WASF1: variants seen among roughly 807,000 people sequenced by gnomAD.
WASF1 encodes WASP family member 1, also known as actin-binding protein WASF1.
A neutral mutation model predicts 50.5 loss-of-function variants in WASF1; 7 were observed. The observed-to-expected ratio is 0.14, with a 90% CI of 0.08 to 0.26. The LOEUF is 0.26. Ranked by LOEUF, WASF1 falls within the 10% of genes least tolerant of loss-of-function variation. The pLI is 1.00. For synonymous variants in WASF1, 205 were observed against 244.0 expected, an observed-to-expected ratio of 0.84 and a Z score of 1.49; for missense variants, 470 against 694.7, an observed-to-expected ratio of 0.68 and a Z score of 3.64.
At chr6:110,137,771 T>TA (rs1404745496) in intron 3 of WASF1, among the ~76,000 whole-genome samples, 4 of 152,132 alleles carry the variant, frequency 2.6e-5, no homozygotes, top group South Asian at 2.1e-4. Flanking sequence ...GAAAGGAAAT[T>TA]AAAAAACATC....
intron 8 of WASF1, among the ~76,000 whole-genome samples, chr6:110,104,986 A>C (rs1386268787): frequency 6.6e-6 from 1 of 152,188 alleles, no homozygotes; most frequent in Non-Finnish European, 1.5e-5. Flanking sequence ...GTGGCAAAGA[A>C]AGGAAGTCAG....
chr6:110,145,819 T>C (rs1775531913), intron 3 of WASF1, among the ~76,000 whole-genome samples: 1 of 152,146 alleles, frequency 6.6e-6, no homozygotes, highest in Non-Finnish European at 1.5e-5. Context: ...GATGAGTTCA[T>C]GTCCTTTGCA....
chr6:110,166,954 T>A (rs1271067394), intron 2 of WASF1, among the ~76,000 whole-genome samples: 1 of 151,926 alleles, frequency 6.6e-6, no homozygotes. Context: ...GGCTATGCTA[T>A]CTTAATATAA....
intron 7 of WASF1, 39 bp from the exon 8 acceptor site, chr6:110,105,618 C>T (rs377218509): frequency 8.9e-5 from 141 of 1,588,008 alleles, no homozygotes; most frequent in East Asian, 6.7e-5. Context: ...AATGCTTAAG[C>T]GCTAATTTTT....
At chr6:110,105,620 C>A (rs1368527868) in intron 7 of WASF1, 41 bp from the exon 8 acceptor site, 1 of 1,583,578 alleles carries the variant, frequency 6.3e-7, no homozygotes, top group Non-Finnish European at 8.6e-7. Flanking sequence ...TGCTTAAGCG[C>A]TAATTTTTAA....
In WASF1 at chr6:110,100,062, C is replaced by G. The variant is rs1476179710; in HGVS notation, c.*460G>C. The G allele has an allele frequency of 6.5e-6, 1 of 152,866 alleles. No individual in the cohort carries two copies. Among genetic ancestry groups the G allele is most frequent in the South Asian group, 2.1e-4 (1 of 4,846 alleles). The allele number at this position is 152,866 out of a possible 1,614,324, so 9.5% of individuals were successfully genotyped here. ...AGCATTCCTTTAAGAGAATTCAACA[C>G]TACAAGCTAAATGTACTTTCTGAGT... is the stretch of plus-strand genomic sequence containing the variant. On this transcript the variant is annotated 3_prime_UTR_variant, in exon 11 of 11. Coordinates refer to ENST00000392589, the MANE Select transcript of WASF1 (RefSeq NM_003931.3).
chr6:110,171,470 C>T lies in WASF1; in HGVS notation c.-127+7128G>A, dbSNP rs573643519. On this transcript the variant is annotated intron_variant, in intron 2 of 10. Coordinates refer to ENST00000392589, the MANE Select transcript of WASF1 (RefSeq NM_003931.3). ...TTATGGCACCAAGTATATATACAGA[C>T]GGTCCGCAGTTTATAACGGGGTTGT... 5.9e-5 allele frequency among the ~76,000 whole-genome samples: 9 copies of T among 152,144 alleles called. No individual in the cohort carries two copies. In the East Asian group the frequency reaches 9.7e-4, roughly 16 times the overall value.
chr6:110,171,488 G>A (rs200458617), intron 2 of WASF1, among the ~76,000 whole-genome samples: 2 of 151,932 alleles, frequency 1.3e-5, no homozygotes, highest in African/African-American at 4.8e-5. Flanking sequence ...AGTTTATAAC[G>A]GGGTTGTATC....
chr6:110,151,332 A>G (rs1775813860), intron 3 of WASF1, among the ~76,000 whole-genome samples: 1 of 152,206 alleles, frequency 6.6e-6, no homozygotes, highest in Non-Finnish European at 1.5e-5. Context: ...TTCATTCTAA[A>G]GTTTCATCTA....
chr6:110,159,385 G>A (rs1562186823), intron 3 of WASF1, among the ~76,000 whole-genome samples: 1 of 151,916 alleles, frequency 6.6e-6, no homozygotes, highest in Non-Finnish European at 1.5e-5. Flanking sequence ...GAGAACCATT[G>A]ATGTAGGGGA....
rs183836314 is a variant in WASF1 at position 110,158,797 on chromosome 6, T to A, written c.-29+1838A>T. Among the ~76,000 whole-genome samples the A allele has an allele frequency of 2.0e-3, 297 of 152,104 alleles. 1 individual carries two copies. Among genetic ancestry groups the A allele is most frequent in the Non-Finnish European group, 2.2e-3 (148 of 67,920 alleles). On this transcript the variant is annotated intron_variant, in intron 3 of 10. Coordinates refer to ENST00000392589, the MANE Select transcript of WASF1 (RefSeq NM_003931.3). ...CAGCTACTATTCTATTTAGAATGGA[T>A]GTCTACTTTCTTCCCTATCTAGCTC... is the stretch of plus-strand genomic sequence containing the variant.
chr6:110,141,035 A>AT (rs997407504), intron 3 of WASF1, among the ~76,000 whole-genome samples: 2 of 151,640 alleles, frequency 1.3e-5, no homozygotes, highest in Non-Finnish European at 2.9e-5. Context: ...AAACTTATGA[A>AT]TTTTTTTTTC....
chr6:110,133,239 T>C (rs1025442442), intron 3 of WASF1, among the ~76,000 whole-genome samples: 1 of 152,208 alleles, frequency 6.6e-6, no homozygotes, highest in Non-Finnish European at 1.5e-5. Flanking sequence ...TTACAAATTG[T>C]GCTGCTATAT....
intron 3 of WASF1, among the ~76,000 whole-genome samples, chr6:110,132,733 A>G (rs1295510417): frequency 6.6e-6 from 1 of 151,772 alleles, no homozygotes; most frequent in African/African-American, 2.4e-5. Context: ...TATCATTCCT[A>G]TGCCTTTGCA....
Position 110,100,340 on chromosome 6 carries a change from TAA to T in WASF1, c.*180_*181del. 1 of 599,250 alleles carries T rather than the reference TAA, an allele frequency of 1.7e-6. No homozygotes were observed. The highest frequency in any genetic ancestry group is 2.7e-6 in the Non-Finnish European group (1 of 371,636). The allele number at this position is 599,250 out of a possible 1,614,324, so 37.1% of individuals were successfully genotyped here. A position where few individuals can be genotyped will look rare whatever the true frequency, so the allele number is the denominator to read the frequency against. ...GGGGGAAAAAAAAGATAAGCCACTG[TAA>T]AACATTTAGTTTGAAATGTATGCTA... is the stretch of plus-strand genomic sequence containing the variant. On this transcript the variant is annotated 3_prime_UTR_variant, in exon 11 of 11. Transcript: ENST00000392589.
intron 2 of WASF1, among the ~76,000 whole-genome samples, chr6:110,174,328 T>G (rs1162106022): frequency 6.6e-6 from 1 of 152,168 alleles, no homozygotes; most frequent in East Asian, 1.9e-4. Flanking sequence ...TTTTTTACTA[T>G]ACTGTTAACT....
At chr6:110,144,902 A>C (rs1775470475) in intron 3 of WASF1, among the ~76,000 whole-genome samples, 1 of 152,130 alleles carries the variant, frequency 6.6e-6, no homozygotes, top group African/African-American at 2.4e-5. Flanking sequence ...TGACGCCTCC[A>C]GCTTTGTTCT....
At chr6:110,142,013 G>A (rs1185367370) in intron 3 of WASF1, among the ~76,000 whole-genome samples, 4 of 152,066 alleles carry the variant, frequency 2.6e-5, no homozygotes, top group South Asian at 2.1e-4. Flanking sequence ...TGATCCACCC[G>A]CCTCACACAT....
At chr6:110,101,163 A>C (rs575178066) in intron 10 of WASF1, among the ~76,000 whole-genome samples, 1 of 152,306 alleles carries the variant, frequency 6.6e-6, no homozygotes, top group African/African-American at 2.4e-5. Context: ...CTTTGTTACT[A>C]AGGGAGGAAA....
Sources: allele counts gnomAD v4.1 joint callset (sites outside exome capture counted in the v4.1 genomes callset), GRCh38; gene constraint gnomAD v4.1.1; transcripts MANE v1.5; gene names NCBI Gene and HGNC (gene_info 2026-07-23, HGNC 2026-07-21).